The following SHANK2 variants were observed in gnomAD, a reference collection of about 807,000 sequenced individuals.
The protein encoded by SHANK2 is SH3 and multiple ankyrin repeat domains 2.
SHANK2 carries 43 observed loss-of-function variants against 133.7 expected under a neutral mutation model. That is an observed-to-expected ratio of 0.32 (90% confidence interval 0.25 to 0.41). The LOEUF is 0.41. Ranked by LOEUF, SHANK2 falls within the 10% of genes least tolerant of loss-of-function variation. The probability of loss-of-function intolerance (pLI) is 1.00; values close to 1 mark genes in which losing one functional copy is unlikely to be tolerated. For missense variants in SHANK2, 1,994 were observed against 2,235.8 expected (o/e 0.89, Z 2.18); for synonymous variants, 1,017 against 952.8 (o/e 1.07, Z -1.24).
At chr11:70,558,919 C>T (rs551895641) in intron 17 of SHANK2, among the ~76,000 whole-genome samples, 147 of 152,324 alleles carry the variant, frequency 9.7e-4, no homozygotes, top group Non-Finnish European at 1.9e-3. Flanking sequence ...CGTCTGCACA[C>T]GGAAGAGAGA....
intron 17 of SHANK2, among the ~76,000 whole-genome samples, chr11:70,648,743 C>A (rs1199578017): frequency 3.3e-5 from 5 of 152,138 alleles, no homozygotes; most frequent in African/African-American, 1.2e-4. Flanking sequence ...AGTTCAGGCC[C>A]TGATGGAGAG....
chr11:71,172,697 G>A (rs993554024), intron 2 of SHANK2, among the ~76,000 whole-genome samples: 2 of 152,078 alleles, frequency 1.3e-5, no homozygotes, highest in Admixed American at 6.6e-5. Context: ...ATGATCCTGA[G>A]AGGGGAATAA....
At chr11:70,792,501 ATGAGGCTATGAGAATTCACTGGGTCC>A (rs1181603415) in intron 14 of SHANK2, among the ~76,000 whole-genome samples, 10 of 152,382 alleles carry the variant, frequency 6.6e-5, no homozygotes, top group African/African-American at 2.2e-4. Flanking sequence ...AGCAACTGTC[ATGAGGCTATGAGAATTCACTGGGTCC>A]TGAGCAGCCA....
intron 12 of SHANK2, among the ~76,000 whole-genome samples, chr11:70,813,352 G>A (rs571409671): frequency 1.3e-5 from 2 of 152,274 alleles, no homozygotes; most frequent in African/African-American, 4.8e-5. Flanking sequence ...ATGCCACACG[G>A]CGCAGTGGTG....
chr11:70,800,686 C>T (rs1555050328), intron 13 of SHANK2, among the ~76,000 whole-genome samples: 1 of 152,234 alleles, frequency 6.6e-6, no homozygotes, highest in African/African-American at 2.4e-5. Flanking sequence ...CTGCCTGAAG[C>T]ATCTCCTCCA....
chr11:70,717,123 C>A (rs551734644), intron 14 of SHANK2, among the ~76,000 whole-genome samples: 1 of 152,342 alleles, frequency 6.6e-6, no homozygotes, highest in African/African-American at 2.4e-5. Context: ...GCCATGCTGT[C>A]TTTGGAGAAA....
intron 5 of SHANK2, among the ~76,000 whole-genome samples, chr11:71,111,688 C>T (rs1951894245): frequency 6.6e-6 from 1 of 152,238 alleles, no homozygotes. Flanking sequence ...TAGATTTCCA[C>T]CTGCCCATTT....
chr11:70,925,594 T>C (rs1202296879), intron 10 of SHANK2, among the ~76,000 whole-genome samples: 2 of 152,210 alleles, frequency 1.3e-5, no homozygotes, highest in Non-Finnish European at 2.9e-5. Context: ...GGTTAAAATA[T>C]AAAAGCAAAT....
At chr11:71,176,127 G>GT (rs1555113077) in intron 2 of SHANK2, among the ~76,000 whole-genome samples, 1 of 152,158 alleles carries the variant, frequency 6.6e-6, no homozygotes, top group East Asian at 1.9e-4. Flanking sequence ...ATACAGAAGG[G>GT]TTTTGCCTCA....
intron 2 of SHANK2, among the ~76,000 whole-genome samples, chr11:71,204,332 C>T (rs532279357): frequency 1.4e-4 from 22 of 152,328 alleles, no homozygotes; most frequent in South Asian, 2.1e-4. Context: ...GGGCAGAGGG[C>T]CCCTGCTGGG....
At chr11:70,687,983 T>C (rs1555020057) in intron 15 of SHANK2, among the ~76,000 whole-genome samples, 3 of 152,198 alleles carry the variant, frequency 2.0e-5, no homozygotes, top group African/African-American at 7.2e-5. Flanking sequence ...CTCCCTGTGG[T>C]GAGGAACTCA....
In SHANK2 at chr11:70,847,088, G is replaced by A. The variant is rs186889016; in HGVS notation, c.1175-26406C>T. Among the ~76,000 whole-genome samples the A allele has an allele frequency of 7.2e-3, 1,102 of 152,328 alleles. 4 individuals carry two copies. Among genetic ancestry groups the A allele is most frequent in the Non-Finnish European group, 0.012 (825 of 68,030 alleles). On this transcript the variant is annotated intron_variant, in intron 11 of 25. Coordinates refer to ENST00000601538, the MANE Select transcript of SHANK2 (RefSeq NM_012309.5). ...GAGAGGTGGAGGCCCCCATCAAGAG[G>A]AGGGGACCTCTGCCCCGGCCCATCA...
At chr11:70,831,617 C>T (rs1475212381) in intron 11 of SHANK2, among the ~76,000 whole-genome samples, 1 of 152,210 alleles carries the variant, frequency 6.6e-6, no homozygotes, top group African/African-American at 2.4e-5. Context: ...TGTCTTTTGA[C>T]AACTGCCTGA....
intron 17 of SHANK2, among the ~76,000 whole-genome samples, chr11:70,581,382 T>C (rs74944287): frequency 0.03 from 4,489 of 152,076 alleles, 108 homozygotes; most frequent in East Asian, 0.097. Flanking sequence ...ACCAACACCA[T>C]AACTCACTGT....
At chr11:70,826,294 G>A (rs3019835) in intron 11 of SHANK2, among the ~76,000 whole-genome samples, 147,611 of 152,276 alleles carry the variant, frequency 0.97, 71,717 homozygotes, top group East Asian at 1. Flanking sequence ...GTTATATTCC[G>A]GACCAACTCA....
At chr11:70,701,475 C>T (rs1945519624) in intron 14 of SHANK2, among the ~76,000 whole-genome samples, 1 of 152,156 alleles carries the variant, frequency 6.6e-6, no homozygotes, top group Admixed American at 6.5e-5. Flanking sequence ...GATCTCAGCT[C>T]ACTGTAAGCT....
At chr11:70,919,103 G>T (rs1336950725) in intron 10 of SHANK2, among the ~76,000 whole-genome samples, 3 of 152,152 alleles carry the variant, frequency 2.0e-5, no homozygotes, top group African/African-American at 7.2e-5. Context: ...GATCGAGGCT[G>T]CAGTGAGCCG....
intron 2 of SHANK2, among the ~76,000 whole-genome samples, chr11:71,163,902 T>C (rs1286516318): frequency 3.6e-4 from 55 of 152,228 alleles, no homozygotes; most frequent in African/African-American, 1.3e-3. Context: ...TCTAAATTAA[T>C]AGGCTTTATT....
At chr11:70,594,455 C>T (rs1045244437) in intron 17 of SHANK2, among the ~76,000 whole-genome samples, 1 of 152,242 alleles carries the variant, frequency 6.6e-6, no homozygotes, top group Non-Finnish European at 1.5e-5. Flanking sequence ...CTGCATTCCA[C>T]GAATACTGTA....
Sources: allele counts gnomAD v4.1 joint callset (sites outside exome capture counted in the v4.1 genomes callset), GRCh38; gene constraint gnomAD v4.1.1; transcripts MANE v1.5; gene names NCBI Gene and HGNC (gene_info 2026-07-23, HGNC 2026-07-21).